The following PTH2R variants were observed in gnomAD, a reference collection of about 807,000 sequenced individuals.
The protein encoded by PTH2R is parathyroid hormone 2 receptor.
Under a neutral mutation model 60.3 loss-of-function variants are expected in PTH2R, and 59 were observed. The observed-to-expected ratio is 0.98, with a 90% CI of 0.79 to 1.22. PTH2R has a LOEUF of 1.22. Among genes scored for constraint, PTH2R ranks in the 50% most tolerant of loss-of-function variants. The pLI, the probability that PTH2R is intolerant of heterozygous loss-of-function variation, is 0.00. For missense variants in PTH2R, 749 were observed against 682.6 expected, an observed-to-expected ratio of 1.10 and a Z score of -1.08; for synonymous variants, 256 against 243.8, an observed-to-expected ratio of 1.05 and a Z score of -0.47.
At chr2:208,440,668 A>T (rs1245647842) in intron 4 of PTH2R, among the ~76,000 whole-genome samples, 1 of 152,220 alleles carries the variant, frequency 6.6e-6, no homozygotes, top group Non-Finnish European at 1.5e-5. Flanking sequence ...GGGAGAAAAC[A>T]GGCTATTGAA....
intron 1 of PTH2R, among the ~76,000 whole-genome samples, chr2:208,408,738 GAA>G (rs1491338278): frequency 8.3e-4 from 54 of 64,898 alleles, no homozygotes; most frequent in African/African-American, 1.4e-3. Flanking sequence ...GAGAGAGAGA[GAA>G]AGAGAGAGAG....
intron 9 of PTH2R, among the ~76,000 whole-genome samples, chr2:208,461,769 C>T (rs1702639137): frequency 3.3e-5 from 5 of 152,142 alleles, no homozygotes. Flanking sequence ...AGTTTGTTTA[C>T]AGATCTAAGT....
rs1368623697 is a variant in PTH2R, at chr2:208,493,517, G to T, written c.1511G>T (p.Cys504Phe). 1 of 1,613,848 alleles carries T rather than the reference G, an allele frequency of 6.2e-7. No homozygotes were observed. Among genetic ancestry groups the T allele is most frequent in the African/African-American group, 1.3e-5 (1 of 75,010 alleles). The stretch of plus-strand genomic sequence containing the variant: ...GTCTGGAGTAACTCAGAGCAGGACT[G>T]CCTGCCACACTCTTTCCACGAGGAG... Reference protein sequence around the residue: ...GYVWSNSEQDCLPHSFHEETK... With the variant: ...GYVWSNSEQDFLPHSFHEETK... The change falls in exon 13 of 13, where the codon TGC (cysteine) becomes TTC (phenylalanine). Residue 504 changes from cysteine (C) to phenylalanine (F), a missense_variant. By Grantham distance (205) the Cys-to-Phe change is radical. Coordinates refer to ENST00000272847, the MANE Select transcript of PTH2R (RefSeq NM_005048.4).
intron 9 of PTH2R, among the ~76,000 whole-genome samples, chr2:208,471,575 A>C (rs1483274785): frequency 6.6e-6 from 1 of 152,248 alleles, no homozygotes; most frequent in Non-Finnish European, 1.5e-5. Flanking sequence ...ACCTCTGCCT[A>C]AATTTCAGAA....
At chr2:208,410,558 C>A (rs550711654) in intron 1 of PTH2R, among the ~76,000 whole-genome samples, 5 of 152,050 alleles carry the variant, frequency 3.3e-5, no homozygotes, top group Admixed American at 6.5e-5. Flanking sequence ...GAATTAGGGG[C>A]AATCTGGGTG....
rs192487278 is a variant in PTH2R at position 208,380,080 on chromosome 2, G to A, written c.-259+19843G>A. The stretch of plus-strand genomic sequence containing the variant: ...TCTAATGCCTAAGGACAGCCATGAG[G>A]TCAATGAATAACATGTGTCAGGTTT... On this transcript the variant is annotated intron_variant, in intron 1 of 12. Transcript: ENST00000617735. Among the ~76,000 whole-genome samples, 39 of 152,208 alleles carry A rather than the reference G, an allele frequency of 2.6e-4. No homozygotes were observed. In the East Asian group the frequency reaches 7.1e-3, roughly 28 times the overall value.
intron 6 of PTH2R, among the ~76,000 whole-genome samples, chr2:208,443,747 C>T (rs1702234584): frequency 6.6e-6 from 1 of 151,908 alleles, no homozygotes. Flanking sequence ...GGGTTTTTTC[C>T]TCAAGAATAT....
chr2:208,371,913 T>C (rs1221716581), intron 1 of PTH2R, among the ~76,000 whole-genome samples: 1 of 152,066 alleles, frequency 6.6e-6, no homozygotes, highest in African/African-American at 2.4e-5. Flanking sequence ...ATGGAAAATC[T>C]CAATAGTTGA....
At chr2:208,372,423 G>A (rs1700718474) in intron 1 of PTH2R, among the ~76,000 whole-genome samples, 1 of 152,066 alleles carries the variant, frequency 6.6e-6, no homozygotes, top group Admixed American at 6.5e-5. Flanking sequence ...GGAAGTGTGT[G>A]TTAGGACATA....
rs529445554 is a variant in PTH2R at position 208,444,859 on chromosome 2, C to A, written c.825C>A (p.Tyr275Ter). 9 of 1,613,634 alleles carry A rather than the reference C, an allele frequency of 5.6e-6. No individual in the cohort carries two copies. In the Admixed American group the frequency reaches 1.5e-4, roughly 27 times the overall value. ...TGGCTTTCTTTTCGGACACCAAATA[C>A]CTGTGGGGCTTCATCTTGATAGGCT... ...IFVAFFSDTK[Y>*]LWGFILIGWG... The change falls in exon 7 of 13, where the codon TAC (tyrosine) becomes TAA (stop). Residue 275 changes from tyrosine to a stop codon, truncating the protein, a stop_gained. Transcript: ENST00000272847. LOFTEE classifies it high-confidence loss of function.
At chr2:208,414,163 G>C (rs1388691266) in intron 1 of PTH2R, among the ~76,000 whole-genome samples, 2 of 152,044 alleles carry the variant, frequency 1.3e-5, no homozygotes, top group Non-Finnish European at 2.9e-5. Flanking sequence ...TTGTTTTACT[G>C]TCTGCTCTTT....
chr2:208,399,566 C>T (rs1701270482), intron 1 of PTH2R, among the ~76,000 whole-genome samples: 1 of 152,070 alleles, frequency 6.6e-6, no homozygotes, highest in Admixed American at 6.6e-5. Context: ...ATAAGCTTCC[C>T]TAGTTGGCAA....
intron 1 of PTH2R, among the ~76,000 whole-genome samples, chr2:208,399,726 C>T (rs1415728340): frequency 6.6e-6 from 1 of 152,112 alleles, no homozygotes; most frequent in Non-Finnish European, 1.5e-5. Context: ...AATCTGTATC[C>T]TTTCACTCTG....
intron 1 of PTH2R, among the ~76,000 whole-genome samples, chr2:208,383,308 G>A (rs918325856): frequency 6.6e-6 from 1 of 152,200 alleles, no homozygotes; most frequent in African/African-American, 2.4e-5. Flanking sequence ...GGGCCTGGAT[G>A]TGAAATAACA....
At chr2:208,477,964 GTAC>G (rs372301552) in intron 9 of PTH2R, among the ~76,000 whole-genome samples, 71 of 25,706 alleles carry the variant, frequency 2.8e-3, no homozygotes, top group Middle Eastern at 0.026. Flanking sequence ...ACTACTACTA[GTAC>G]TAGTACTACT....
upstream of PTH2R, among the ~76,000 whole-genome samples, chr2:208,404,284 T>G (rs1372184964): frequency 6.6e-6 from 1 of 152,100 alleles, no homozygotes; most frequent in Non-Finnish European, 1.5e-5. Flanking sequence ...GGAAATGGCA[T>G]GGTACCAAGC....
chr2:208,491,747 C>T (rs914966481), intron 12 of PTH2R, among the ~76,000 whole-genome samples: 2 of 151,780 alleles, frequency 1.3e-5, no homozygotes, highest in African/African-American at 4.8e-5. Context: ...TTATTAGGAC[C>T]CACTGTTTTA....
At chr2:208,400,092 C>A (rs769658871) in intron 1 of PTH2R, among the ~76,000 whole-genome samples, 10 of 152,116 alleles carry the variant, frequency 6.6e-5, no homozygotes, top group African/African-American at 2.4e-4. Context: ...CTTCTTAAAA[C>A]CCAAGTTAGT....
chr2:208,397,254 T>C (rs1701227565), intron 1 of PTH2R, among the ~76,000 whole-genome samples: 1 of 151,354 alleles, frequency 6.6e-6, no homozygotes, highest in Admixed American at 6.6e-5. Flanking sequence ...TGTATAAATA[T>C]GTAACAAACC....
Sources: gnomAD v4.1 joint callset for allele counts (sites outside exome capture counted in the v4.1 genomes callset) on GRCh38, gnomAD v4.1.1 for gene constraint, MANE v1.5 for transcripts, NCBI Gene and HGNC (gene_info 2026-07-23, HGNC 2026-07-21) for gene names.